The following PDE4D variants were observed in gnomAD, a reference collection of about 807,000 sequenced individuals.
PDE4D encodes the protein phosphodiesterase 4D.
In PDE4D, 24 loss-of-function variants were observed where a neutral mutation model predicts 87.4. The observed-to-expected ratio is 0.27, with a 90% CI of 0.20 to 0.39. PDE4D has a LOEUF of 0.39. PDE4D is among the 10% of genes least tolerant of loss of function. The pLI is 1.00. For missense variants in PDE4D, 714 were observed against 1,041.0 expected (o/e 0.69, Z 4.32); for synonymous variants, 384 against 383.2 (o/e 1.00, Z -0.02).
chr5:59,294,203 G>T (rs1194096172), intron 1 of PDE4D, among the ~76,000 whole-genome samples: 1 of 152,052 alleles, frequency 6.6e-6, no homozygotes, highest in Non-Finnish European at 1.5e-5. Flanking sequence ...GTCAGCCAGT[G>T]TTACTAAGAA....
At chr5:59,753,085 A>G (rs1411321624) in intron 1 of PDE4D, among the ~76,000 whole-genome samples, 2 of 152,302 alleles carry the variant, frequency 1.3e-5, no homozygotes, top group Non-Finnish European at 2.9e-5. Flanking sequence ...CGCAAAGCCT[A>G]AAATATTTAT....
At chr5:59,754,716 T>A (rs987839606) in intron 1 of PDE4D, among the ~76,000 whole-genome samples, 1 of 152,134 alleles carries the variant, frequency 6.6e-6, no homozygotes, top group Non-Finnish European at 1.5e-5. Context: ...TGAGACATAC[T>A]TTTTAAAACA....
At chr5:60,095,602 T>A (rs537086019) in intron 2 of PDE4D, among the ~76,000 whole-genome samples, 10 of 152,316 alleles carry the variant, frequency 6.6e-5, no homozygotes, top group African/African-American at 1.9e-4. Context: ...TATTTCTGGT[T>A]TGAGATCTTT....
intron 1 of PDE4D, among the ~76,000 whole-genome samples, chr5:59,475,130 T>C (rs997457088): frequency 3.9e-5 from 6 of 152,060 alleles, no homozygotes; most frequent in African/African-American, 1.4e-4. Context: ...ATAAGGACCA[T>C]ACTTCTATCA....
At chr5:59,724,651 C>T (rs1561543731) in intron 1 of PDE4D, among the ~76,000 whole-genome samples, 1 of 152,082 alleles carries the variant, frequency 6.6e-6, no homozygotes, top group Non-Finnish European at 1.5e-5. Flanking sequence ...CAGATGTCCT[C>T]CCTTCTCTAA....
intron 5 of PDE4D, among the ~76,000 whole-genome samples, chr5:59,115,137 G>A (rs895362371): frequency 6.6e-6 from 1 of 151,920 alleles, no homozygotes; most frequent in Non-Finnish European, 1.5e-5. Flanking sequence ...AAATTTGGGG[G>A]TAGTCTTACT....
chr5:59,718,052 G>A (rs886902047), intron 1 of PDE4D, among the ~76,000 whole-genome samples: 1 of 152,136 alleles, frequency 6.6e-6, no homozygotes, highest in Non-Finnish European at 1.5e-5. Flanking sequence ...ACAATCTAGT[G>A]TTACAATCTC....
At chr5:58,999,489 C>T in intron 6 of PDE4D, 1 of 1,517,144 alleles carries the variant, frequency 6.6e-7, no homozygotes, top group Non-Finnish European at 9.0e-7. Flanking sequence ...TAAGTCTTAC[C>T]TTTATGTAGC....
rs565358032 is a variant in PDE4D, at chr5:59,002,415, G to C, written c.922-8950C>G. On this transcript the variant is annotated intron_variant, in intron 6 of 14. Transcript: ENST00000340635. ...GATGGTGCATGACTGCTGAGGCTAA[G>C]TCATAAGAAATCTTGCAGCTCTCAT... Among the ~76,000 whole-genome samples, 3 of 152,126 alleles carry C rather than the reference G, an allele frequency of 2.0e-5. No individual in the cohort carries two copies. The East Asian group carries it at 5.8e-4, about 29-fold the overall frequency.
At chr5:60,482,347 G>C (rs953461377) in intron 1 of PDE4D, among the ~76,000 whole-genome samples, 8 of 152,194 alleles carry the variant, frequency 5.3e-5, no homozygotes, top group Non-Finnish European at 1.0e-4. Context: ...TTGTTTATAA[G>C]ACACCCAGTT....
chr5:59,701,707 G>A (rs1352433153), intron 1 of PDE4D, among the ~76,000 whole-genome samples: 1 of 152,214 alleles, frequency 6.6e-6, no homozygotes, highest in African/African-American at 2.4e-5. Flanking sequence ...CAGAGGTGAG[G>A]AGATGGTACC....
At chr5:58,977,865 G>A (rs917714593) in intron 11 of PDE4D, among the ~76,000 whole-genome samples, 7 of 152,164 alleles carry the variant, frequency 4.6e-5, no homozygotes, top group African/African-American at 1.7e-4. Context: ...GAAAGTCCAA[G>A]CTTTATTCAT....
chr5:59,053,648 T>TTG (rs1761900247), intron 5 of PDE4D, among the ~76,000 whole-genome samples: 1 of 114,076 alleles, frequency 8.8e-6, no homozygotes, highest in Non-Finnish European at 1.9e-5. Flanking sequence ...GTTTTTTGTT[T>TTG]TTTTTTGTTG....
chr5:59,428,148 T>A (rs1488830819), intron 1 of PDE4D, among the ~76,000 whole-genome samples: 1 of 152,190 alleles, frequency 6.6e-6, no homozygotes. Flanking sequence ...GGTGATTTTC[T>A]AATAATTTGG....
At chr5:60,282,296 G>A (rs930111669) in intron 1 of PDE4D, among the ~76,000 whole-genome samples, 8 of 147,806 alleles carry the variant, frequency 5.4e-5, no homozygotes, top group African/African-American at 1.7e-4. Flanking sequence ...AGGATTATAC[G>A]GTAAAAAAAA....
At chr5:60,014,911 T>C (rs1017174809) in intron 2 of PDE4D, among the ~76,000 whole-genome samples, 6 of 152,186 alleles carry the variant, frequency 3.9e-5, no homozygotes, top group African/African-American at 1.4e-4. Flanking sequence ...AACAATGGAA[T>C]AGAAATCCAC....
At chr5:60,396,268 T>C (rs956376663) in intron 1 of PDE4D, among the ~76,000 whole-genome samples, 1 of 152,036 alleles carries the variant, frequency 6.6e-6, no homozygotes, top group Non-Finnish European at 1.5e-5. Flanking sequence ...GATGGTGGAG[T>C]CTAATGAGAG....
chr5:59,295,893 A>C (rs1216282653), intron 1 of PDE4D, among the ~76,000 whole-genome samples: 1 of 152,016 alleles, frequency 6.6e-6, no homozygotes, highest in Non-Finnish European at 1.5e-5. Context: ...AGCAACTCAT[A>C]TTTGTCCTCA....
chr5:59,151,661 C>T (rs1236284112), intron 5 of PDE4D, among the ~76,000 whole-genome samples: 1 of 152,120 alleles, frequency 6.6e-6, no homozygotes, highest in Non-Finnish European at 1.5e-5. Context: ...AACATACCCT[C>T]ACTTTGCCTT....
Sources: allele counts gnomAD v4.1 joint callset (sites outside exome capture counted in the v4.1 genomes callset), GRCh38; gene constraint gnomAD v4.1.1; transcripts MANE v1.5; gene names NCBI Gene and HGNC (gene_info 2026-07-23, HGNC 2026-07-21).